The following SCART1 variants were observed in gnomAD, a reference collection of about 807,000 sequenced individuals.
SCART1 encodes the protein scavenger receptor family member expressed on T cells 1, also known as scavenger receptor cysteine-rich domain-containing protein SCART1.
Under a neutral mutation model 36.2 loss-of-function variants are expected in SCART1, and 62 were observed. That is an observed-to-expected ratio of 1.71 (90% CI 1.40 to 2.12). The LOEUF (loss-of-function observed/expected upper bound fraction) is 2.12. Ranked by LOEUF, SCART1 falls within the 30% of genes most tolerant of loss-of-function variation. The probability of loss-of-function intolerance (pLI) is 0.00; values close to 1 mark genes in which losing one functional copy is unlikely to be tolerated. For missense variants in SCART1, 1,041 were observed against 540.5 expected (o/e 1.93, Z -9.18); for synonymous variants, 487 against 238.7 (o/e 2.04, Z -9.59).
chr10:133,458,763 T>G (rs577727085), intron 4 of SCART1, 107 bp downstream of exon 4: 1 of 674,276 alleles, frequency 1.5e-6, no homozygotes, highest in African/African-American at 1.8e-5. Context: ...GTGCTTTTGA[T>G]GTTTGCTTCT....
intron 11 of SCART1, 41 bp downstream of exon 11, chr10:133,467,394 G>T (rs1449879125): frequency 7.4e-6 from 5 of 671,862 alleles, no homozygotes; most frequent in Admixed American, 2.1e-5. Flanking sequence ...TCTGGGGTGG[G>T]CTACGGATGC....
exon 9 of SCART1, chr10:133,465,339 C>T (rs528238719): frequency 2.9e-6 from 2 of 688,216 alleles, no homozygotes; most frequent in Non-Finnish European, 5.3e-6. Context: ...GCACCGTGTG[C>T]GACGATGGCT....
exon 7 of SCART1, chr10:133,464,897 G>A (rs1389150788): frequency 8.5e-6 from 6 of 702,886 alleles, no homozygotes; most frequent in East Asian, 5.4e-5. Flanking sequence ...GCACTCTTGC[G>A]ACCTTCGAGA....
At chr10:133,459,037 C>G (rs539986827) in exon 5 of SCART1, 2 of 692,110 alleles carry the variant, frequency 2.9e-6, no homozygotes, top group Non-Finnish European at 5.3e-6. Flanking sequence ...GGATGGTCAA[C>G]GGCAGCAGCA....
chr10:133,468,023 T>G (rs949821268), exon 12 of SCART1: 1 of 641,578 alleles, frequency 1.6e-6, no homozygotes, highest in African/African-American at 1.8e-5. Context: ...GCTCTTCATT[T>G]TCTTGTACAA....
At chr10:133,467,905 C>A in exon 12 of SCART1, 1 of 700,512 alleles carries the variant, frequency 1.4e-6, no homozygotes. Context: ...AGGGAGGACA[C>A]AGCAGACCTG....
exon 7 of SCART1, chr10:133,464,847 A>C (rs898663541): frequency 1.0e-5 from 7 of 702,468 alleles, no homozygotes; most frequent in Non-Finnish European, 1.8e-5. Flanking sequence ...AGGCTGCCCA[A>C]CTCCACTCTG....
intron 4 of SCART1, 29 bp downstream of exon 4, chr10:133,458,685 C>T (rs1188834806): frequency 2.9e-6 from 2 of 700,220 alleles, no homozygotes; most frequent in African/African-American, 1.8e-5. Context: ...GCTCTGAAGG[C>T]TCAGCCCTGC....
exon 9 of SCART1, chr10:133,465,414 G>A (rs891377485): frequency 5.2e-6 from 3 of 580,040 alleles, no homozygotes; most frequent in East Asian, 3.3e-5. Context: ...TCGCCGCCCT[G>A]GGGGCCGCCG....
chr10:133,465,822 T>C, intron 9 of SCART1: 1 of 696,270 alleles, frequency 1.4e-6, no homozygotes, highest in Non-Finnish European at 2.6e-6. Flanking sequence ...CGGGTATGTG[T>C]CACCTGGGTG....
At position 133,459,908 on chromosome 10, in the gene SCART1, C is replaced by G. The variant is rs948800151; in HGVS notation, c.1707C>G (p.Ala569=). The G allele has an allele frequency of 9.9e-5, 53 of 534,506 alleles. No homozygotes were observed. The Admixed American group carries it at 1.0e-3, about 11-fold the overall frequency. The allele number at this position is 534,506 out of a possible 1,614,324, so 33.1% of individuals were successfully genotyped here. Reference sequence around the variant, plus strand: ...CTCAGGGTGCGGCTGGCCGCGGGGCCGGGGCGCTGCACGGGGGCGCGTGGG... The same window carrying G: ...CTCAGGGTGCGGCTGGCCGCGGGGCGGGGGCGCTGCACGGGGGCGCGTGGG... The change falls in exon 6 of 12, where the codon GCC becomes GCG. Residue 569 remains alanine, a synonymous_variant. Coordinates refer to ENST00000640237, the Ensembl canonical transcript of SCART1.
In SCART1 at chr10:133,460,585, G is replaced by A. The variant is rs181689172; in HGVS notation, c.1969+415G>A. Among the ~76,000 whole-genome samples, 386 of 146,666 alleles carry A rather than the reference G, an allele frequency of 2.6e-3. 2 individuals are homozygous for A. The highest frequency in any genetic ancestry group is 9.7e-3 in the African/African-American group (379 of 39,060). ...CGGTCTCACTGTGTTGCCCAGGCTG[G>A]AGTGCAGTGGCCCCATCACCGGTCA... On this transcript the variant is annotated intron_variant, in intron 6 of 11. Coordinates refer to ENST00000640237, the Ensembl canonical transcript of SCART1.
chr10:133,458,708 C>A, intron 4 of SCART1, 52 bp downstream of exon 4: 1 of 695,060 alleles, frequency 1.4e-6, no homozygotes, highest in South Asian at 1.5e-5. Context: ...TGTTCTCTGT[C>A]AAATCCCTTC....
intron 6 of SCART1, chr10:133,464,309 G>A (rs1850737157): frequency 2.5e-5 from 1 of 40,054 alleles, no homozygotes; most frequent in African/African-American, 6.0e-5. Context: ...AGTGAACCTG[G>A]GCGTGCAGTG....
chr10:133,457,305 G>C lies in SCART1; in HGVS notation c.412G>C (p.Val138Leu), dbSNP rs1237149049. ...CGGCACTTTCCGGGAGCTCCGGCTGGTGAAGGGCCGCAGTCCCTGCGCGGG... is the reference window on the plus strand; with the variant it reads ...CGGCACTTTCCGGGAGCTCCGGCTGCTGAAGGGCCGCAGTCCCTGCGCGGG... Residue 138 changes from valine (V) to leucine (L), a missense_variant, in exon 3 of 12, where the codon GTG (valine) becomes CTG (leucine). By Grantham distance (32) the Val-to-Leu change is conservative. Coordinates refer to ENST00000640237, the Ensembl canonical transcript of SCART1. The C allele has an allele frequency of 4.3e-6, 3 of 700,680 alleles. No homozygotes were observed. The African/African-American group carries it at 5.3e-5, about 12-fold the overall frequency. The allele number at this position is 700,680 out of a possible 1,614,324, so 43.4% of individuals were successfully genotyped here. A position where few individuals can be genotyped will look rare whatever the true frequency, so the allele number is the denominator to read the frequency against.
In SCART1 at chr10:133,457,146, G is replaced by A. The variant is rs1050321071; in HGVS notation, c.386-133G>A. On this transcript the variant is annotated intron_variant, in intron 2 of 11. Transcript: ENST00000640237. ...TCTCTCTGAGCCCAGGGCCCTGTGT[G>A]ACTGCCCGGTCACCTGCCCCTGAAG... 5.7e-5 allele frequency: 36 copies of A among 634,428 alleles called. 1 individual carries two copies. In the African/African-American group the frequency reaches 6.7e-4, roughly 12 times the overall value. The allele number at this position is 634,428 out of a possible 1,614,324, so 39.3% of individuals were successfully genotyped here.
At chr10:133,469,114 A>C (rs1850791689) in exon 12 of SCART1, 1 of 152,144 alleles carries the variant, frequency 6.6e-6, no homozygotes, top group African/African-American at 2.4e-5. Context: ...TTTGATTTGC[A>C]TTTCTCTAAT....
exon 6 of SCART1, chr10:133,460,094 G>A (rs947614263): frequency 3.8e-5 from 20 of 520,604 alleles, no homozygotes; most frequent in Non-Finnish European, 6.0e-5. Flanking sequence ...ACGAGTCTGC[G>A]CTGTGGCAGT....
At chr10:133,460,471 CATATAT>C (rs55751015) in intron 6 of SCART1, among the ~76,000 whole-genome samples, 3,386 of 136,482 alleles carry the variant, frequency 0.025, 194 homozygotes, top group African/African-American at 0.09. Flanking sequence ...ATCCGAAATT[CATATAT>C]ATATATATAT....
Sources: allele counts gnomAD v4.1 joint callset (sites outside exome capture counted in the v4.1 genomes callset), GRCh38; gene constraint gnomAD v4.1.1; transcripts MANE v1.5; gene names NCBI Gene and HGNC (gene_info 2026-07-23, HGNC 2026-07-21).